Variants in PLCD3 observed in about 807,000 individuals in gnomAD.
The protein encoded by PLCD3 is phospholipase C delta 3, also known as 1-phosphatidylinositol 4,5-bisphosphate phosphodiesterase delta-3.
In PLCD3, 62 loss-of-function variants were observed where a neutral mutation model predicts 82.8. That is an observed-to-expected ratio of 0.75 (90% CI 0.61 to 0.93). The LOEUF (loss-of-function observed/expected upper bound fraction) is 0.93, where lower values mean the gene tolerates loss of function less well. Ranked by LOEUF, PLCD3 falls within the 40% of genes least tolerant of loss-of-function variation. The pLI is 0.00. For missense variants in PLCD3, 1,023 were observed against 1,103.4 expected (o/e 0.93, Z 1.03); for synonymous variants, 478 against 471.8 (o/e 1.01, Z -0.17).
rs2054332894 is a variant in PLCD3, at chr17:45,120,969, A to T, written c.487T>A (p.Trp163Arg). Residue 163 changes from tryptophan to arginine, a missense_variant, in exon 3 of 15, where the codon TGG (tryptophan) becomes AGG (arginine). Physicochemically the swap from Trp to Arg is moderately radical, Grantham distance 101. Around this residue, in one of 3 missense-constraint regions of PLCD3, gnomAD observed 448 missense variants for 406.3 expected, o/e 1.10. Transcript: ENST00000619929. ...CGGAGCTTGGTCAGACCGCGCACCC[A>T]GCGCTGCGCTTCCTCAGCCGTGGGC... The part of the protein sequence containing the change: ...AAPTAEEAQR[W>R]VRGLTKLRAR... The T allele has an allele frequency of 6.6e-7, 1 of 1,522,982 alleles. No homozygotes were observed. The highest frequency in any genetic ancestry group is 1.4e-5 in the African/African-American group (1 of 71,240). The allele number at this position is 1,522,982 out of a possible 1,614,324, so 94.3% of individuals were successfully genotyped here. A position where few individuals can be genotyped will look rare whatever the true frequency, so the allele number is the denominator to read the frequency against.
At chr17:45,115,691 G>C in intron 8 of PLCD3, 1 of 575,920 alleles carries the variant, frequency 1.7e-6, no homozygotes, top group Non-Finnish European at 3.1e-6. Flanking sequence ...GCTTAATAAG[G>C]TCCCTCAACA....
chr17:45,118,624 G>T lies in PLCD3; in HGVS notation c.914-132C>A. ...ACTGACTAGACTCCATGTAAGTCATGCCACTTAACCTTCGACCAGACCCTG... is the reference window on the plus strand; with the variant it reads ...ACTGACTAGACTCCATGTAAGTCATTCCACTTAACCTTCGACCAGACCCTG... On this transcript the variant is annotated intron_variant, in intron 5 of 14. Coordinates refer to ENST00000619929, the MANE Select transcript of PLCD3 (RefSeq NM_133373.5). This position sits in a 1 kb window ranked among gnomAD's most constrained non-coding sequence, Gnocchi z 4.1. 1 of 1,171,922 alleles carries T rather than the reference G, an allele frequency of 8.5e-7. No homozygotes were observed. Among genetic ancestry groups the T allele is most frequent in the Non-Finnish European group, 1.2e-6 (1 of 831,730 alleles). The allele number at this position is 1,171,922 out of a possible 1,614,324, so 72.6% of individuals were successfully genotyped here.
rs776235178 is a variant in PLCD3 at position 45,120,352 on chromosome 17, G to A, written c.657C>T (p.Asn219=). The A allele has an allele frequency of 1.2e-5, 19 of 1,613,906 alleles. No homozygotes were observed. Among genetic ancestry groups the A allele is most frequent in the African/African-American group, 1.1e-4 (8 of 74,948 alleles). Residue 219 remains asparagine, a synonymous_variant, in exon 4 of 15, where the codon AAC becomes AAT. Transcript: ENST00000619929. ...SLLRMVNVDM[N]DMYAYLLFKE... is the part of the protein sequence containing the mutation. ...TGAAGAGGAGGTAGGCGTACATGTC[G>A]TTCATGTCCACGTTGACCATTCTCA...
intron 1 of PLCD3, among the ~76,000 whole-genome samples, chr17:45,128,167 G>A (rs560737076): frequency 6.6e-6 from 1 of 152,318 alleles, no homozygotes; most frequent in African/African-American, 2.4e-5. Context: ...AGCCTGGCGG[G>A]GGCTCGGTGC....
Position 45,132,458 on chromosome 17 carries a change from A to T in PLCD3, c.-48T>A. ...GGGCCCGGGGTCTGCACGCGGGGACAGGGCAGCGGGGCGCCGCTCTGGCCC... is the reference window on the plus strand; with the variant it reads ...GGGCCCGGGGTCTGCACGCGGGGACTGGGCAGCGGGGCGCCGCTCTGGCCC... On this transcript the variant is annotated 5_prime_UTR_variant, in exon 1 of 15. Transcript: ENST00000619929. This position sits in a 1 kb window ranked among gnomAD's most constrained non-coding sequence, Gnocchi z 4.6. The T allele has an allele frequency of 8.9e-7, 1 of 1,123,282 alleles. No individual in the cohort carries two copies. The highest frequency in any genetic ancestry group is 1.1e-6 in the Non-Finnish European group (1 of 906,226). The allele number at this position is 1,123,282 out of a possible 1,614,324, so 69.6% of individuals were successfully genotyped here. A position where few individuals can be genotyped will look rare whatever the true frequency, so the allele number is the denominator to read the frequency against.
intron 14 of PLCD3, 62 bp downstream of exon 14, chr17:45,112,801 G>C: frequency 6.2e-7 from 1 of 1,601,572 alleles, no homozygotes; most frequent in Non-Finnish European, 8.5e-7. Context: ...AGGCACAAAG[G>C]TGAACAGGGT....
rs1409014249 is a variant in PLCD3, at chr17:45,118,145, G to A, written c.1116-7C>T. 6.2e-7 allele frequency: 1 copy of A among 1,613,992 alleles called. No individual in the cohort carries two copies. Among genetic ancestry groups the A allele is most frequent in the South Asian group, 1.1e-5 (1 of 91,076 alleles). On this transcript the variant is annotated splice_region_variant and splice_polypyrimidine_tract_variant and intron_variant, in intron 6 of 14. Coordinates refer to ENST00000619929, the MANE Select transcript of PLCD3 (RefSeq NM_133373.5). The surrounding 1 kb of genome is among the most constrained non-coding windows in gnomAD (Gnocchi z 4.1). ...GCATCCCTGGGCAAAGGCCCTGTGT[G>A]TGGACAGATGGGTGGACGGGCAAGG...
In PLCD3 at chr17:45,119,236, GGTTT is replaced by G. The variant is rs72016533; in HGVS notation, c.685-197_685-194del. The G allele has an allele frequency of 5.2e-3, 3,131 of 603,800 alleles. 73 individuals carry two copies. In the African/African-American group the frequency reaches 0.052, roughly 10 times the overall value. The allele number at this position is 603,800 out of a possible 1,614,324, so 37.4% of individuals were successfully genotyped here. Reference sequence around the variant, plus strand: ...GCAGGATTTTTTGGTTTGTTTTTTAGGTTTGTTTGTTTGTTTGGTCTTGCTCTGT... The same window carrying G: ...GCAGGATTTTTTGGTTTGTTTTTTAGGTTTGTTTGTTTGGTCTTGCTCTGT... On this transcript the variant is annotated intron_variant, in intron 4 of 14. Transcript: ENST00000619929.
intron 8 of PLCD3, among the ~76,000 whole-genome samples, chr17:45,116,345 T>G (rs1218758806): frequency 6.6e-6 from 1 of 151,982 alleles, no homozygotes; most frequent in Non-Finnish European, 1.5e-5. Flanking sequence ...CAGGTGGGAA[T>G]GGCAGAGCCT....
Position 45,113,001 on chromosome 17 carries a change from G to A in PLCD3, c.2143C>T (p.Arg715Cys), listed in dbSNP as rs369687109. ...TGGAACTGCAGGGTCTGCCCCCAGCGGGGGTTGAAGCCTAGGGCACAGGGA... is the reference window on the plus strand; with the variant it reads ...TGGAACTGCAGGGTCTGCCCCCAGCAGGGGTTGAAGCCTAGGGCACAGGGA... ...DYVLNNGFNP[R>C]WGQTLQFQLR... Residue 715 changes from arginine (R) to cysteine (C), a missense_variant, in exon 14 of 15, where the codon CGC becomes TGC. Physicochemically the swap from Arg to Cys is radical, Grantham distance 180 (BLOSUM62 -3). Transcript: ENST00000619929. 2.4e-5 allele frequency: 38 copies of A among 1,606,116 alleles called. No homozygotes were observed. Among genetic ancestry groups the A allele is most frequent in the African/African-American group, 9.3e-5 (7 of 74,918 alleles).
rs778094953 is a variant in PLCD3 at position 45,118,157 on chromosome 17, G to A, written c.1116-19C>T. The A allele has an allele frequency of 1.2e-5, 20 of 1,613,926 alleles. No individual in the cohort carries two copies. The highest frequency in any genetic ancestry group is 1.5e-5 in the Non-Finnish European group (18 of 1,179,866). ...AAAGGCCCTGTGTGTGGACAGATGGGTGGACGGGCAAGGTGTTGCCAGAGT... is the reference window on the plus strand; with the variant it reads ...AAAGGCCCTGTGTGTGGACAGATGGATGGACGGGCAAGGTGTTGCCAGAGT... On this transcript the variant is annotated intron_variant, in intron 6 of 14. Coordinates refer to ENST00000619929, the MANE Select transcript of PLCD3 (RefSeq NM_133373.5). The surrounding 1 kb of genome is among the most constrained non-coding windows in gnomAD (Gnocchi z 4.1).
rs1684283593 is a variant in PLCD3 at position 45,113,605 on chromosome 17, A to G, written c.1829T>C (p.Val610Ala). ...GCCTGGCGTCTGGAAGTTCAAGGCCACTGTGGACACAGCAGGGTCAGAGCA... is the reference window on the plus strand; with the variant it reads ...GCCTGGCGTCTGGAAGTTCAAGGCCGCTGTGGACACAGCAGGGTCAGAGCA... ...QEMWNSGCQL[V>A]ALNFQTPGYE... The change falls in exon 12 of 15, where the codon GTG becomes GCG. Residue 610 changes from valine to alanine, a missense_variant and splice_region_variant. By Grantham distance (64) the Val-to-Ala change is moderately conservative. Transcript: ENST00000619929. 3.9e-6 allele frequency: 6 copies of G among 1,554,286 alleles called. No individual in the cohort carries two copies. Among genetic ancestry groups the G allele is most frequent in the Non-Finnish European group, 5.2e-6 (6 of 1,148,602 alleles).
chr17:45,131,278 C>T (rs887053982), intron 1 of PLCD3, among the ~76,000 whole-genome samples: 2 of 152,224 alleles, frequency 1.3e-5, no homozygotes, highest in African/African-American at 4.8e-5. Context: ...CAGCCTTGTC[C>T]TTCTGTTCCG....
intron 1 of PLCD3, among the ~76,000 whole-genome samples, chr17:45,124,895 G>A (rs1419417554): frequency 6.6e-6 from 1 of 152,222 alleles, no homozygotes; most frequent in Non-Finnish European, 1.5e-5. Context: ...AAAGCCAAAA[G>A]GTGGAAACAA....
intron 1 of PLCD3, among the ~76,000 whole-genome samples, chr17:45,122,734 C>T (rs2054351350): frequency 2.6e-5 from 4 of 152,146 alleles, no homozygotes; most frequent in Admixed American, 2.6e-4. Context: ...GAGTTTCGGC[C>T]CTCTCCTGGC....
chr17:45,121,336 C>T lies in PLCD3; in HGVS notation c.200G>A (p.Arg67Gln). 6.5e-7 allele frequency: 1 copy of T among 1,548,282 alleles called. No homozygotes were observed. The highest frequency in any genetic ancestry group is 8.7e-7 in the Non-Finnish European group (1 of 1,155,558). The change falls in exon 2 of 15, where the codon CGG becomes CAG. Residue 67 changes from arginine (R) to glutamine (Q), a missense_variant. Around this residue, in one of 3 missense-constraint regions of PLCD3, gnomAD observed 448 missense variants for 406.3 expected, o/e 1.10. Coordinates refer to ENST00000619929, the MANE Select transcript of PLCD3 (RefSeq NM_133373.5). The part of the protein sequence containing the change: ...TEDEDVRAML[R>Q]GSRLRKIRSR... ...GCGGATCTTGCGGAGCCGGGAGCCC[C>T]GCAGCATGGCGCGCACGTCCTCGTC...
intron 1 of PLCD3, 45 bp from the exon 2 acceptor site, chr17:45,121,417 G>A: frequency 6.9e-7 from 1 of 1,451,464 alleles, no homozygotes; most frequent in Non-Finnish European, 9.0e-7. Context: ...TACCTGCCCA[G>A]AGGCTCCCCT....
In PLCD3 at chr17:45,112,488, G is replaced by A. The variant is rs564065318; in HGVS notation, c.*128C>T. On this transcript the variant is annotated 3_prime_UTR_variant, in exon 15 of 15. Coordinates refer to ENST00000619929, the MANE Select transcript of PLCD3 (RefSeq NM_133373.5). The stretch of plus-strand genomic sequence containing the variant: ...CAGGTGAGACCAGCGCCTGGTGAAT[G>A]GGCTGAGTGGGCCAAGTGGGTGGGC... 3 of 1,031,072 alleles carry A rather than the reference G, an allele frequency of 2.9e-6. No homozygotes were observed. Among genetic ancestry groups the A allele is most frequent in the East Asian group, 2.6e-5 (1 of 38,386 alleles). The allele number at this position is 1,031,072 out of a possible 1,614,324, so 63.9% of individuals were successfully genotyped here. A position where few individuals can be genotyped will look rare whatever the true frequency, so the allele number is the denominator to read the frequency against.
At position 45,132,245 on chromosome 17, in the gene PLCD3, G is replaced by C. The variant is rs1422766039; in HGVS notation, c.163+3C>G. The C allele has an allele frequency of 4.7e-6, 6 of 1,272,750 alleles. No individual in the cohort carries two copies. Among genetic ancestry groups the C allele is most frequent in the Non-Finnish European group, 5.9e-6 (6 of 1,008,770 alleles). 78.8% of individuals were successfully genotyped at this position (1,272,750 alleles called of 1,614,324 possible). ...ACCCCACCGCCCCTTGCCCGTCACT[G>C]ACCCATCTTCTTCAGCGCCCGCAGC... On this transcript the variant is annotated splice_donor_region_variant and intron_variant, in intron 1 of 14. Transcript: ENST00000619929. The surrounding 1 kb of genome is among the most constrained non-coding windows in gnomAD (Gnocchi z 4.6).
Sources: allele counts gnomAD v4.1 joint callset (sites outside exome capture counted in the v4.1 genomes callset), GRCh38; gene constraint gnomAD v4.1.1; regional missense constraint gnomAD v4.1.1; non-coding constraint Gnocchi (gnomAD v3.1); transcripts MANE v1.5; gene names NCBI Gene and HGNC (gene_info 2026-07-23, HGNC 2026-07-21).